Variants in MAP3K19 observed in about 807,000 individuals in gnomAD.
MAP3K19 encodes the protein SPS1/STE20-related protein kinase YSK4.
Under a neutral mutation model 114.4 loss-of-function variants are expected in MAP3K19, and 91 were observed. The observed-to-expected ratio is 0.80, with a 90% CI of 0.67 to 0.95. The LOEUF (loss-of-function observed/expected upper bound fraction) is 0.95, where lower values mean the gene tolerates loss of function less well. MAP3K19 is among the 40% of genes least tolerant of loss of function. The pLI is 0.00. For synonymous variants in MAP3K19, 518 were observed against 530.5 expected, an observed-to-expected ratio of 0.98 and a Z score of 0.32; for missense variants, 1,471 against 1,573.2, an observed-to-expected ratio of 0.94 and a Z score of 1.10.
At chr2:135,043,945 TC>T (rs1688692297) in intron 1 of MAP3K19, among the ~76,000 whole-genome samples, 1 of 152,228 alleles carries the variant, frequency 6.6e-6, no homozygotes, top group South Asian at 2.1e-4. Flanking sequence ...TACCTGTTAC[TC>T]CTTTTGATTT....
At chr2:135,036,223 A>C (rs532129907) in intron 2 of MAP3K19, among the ~76,000 whole-genome samples, 49 of 152,254 alleles carry the variant, frequency 3.2e-4, no homozygotes, top group Admixed American at 2.7e-3. Context: ...CATAAATACA[A>C]CCACATCATT....
intron 5 of MAP3K19, among the ~76,000 whole-genome samples, chr2:135,010,214 G>A (rs1687125604): frequency 6.6e-6 from 1 of 152,082 alleles, no homozygotes; most frequent in Non-Finnish European, 1.5e-5. Flanking sequence ...ATCCCTATAA[G>A]TACCTGACAA....
intron 1 of MAP3K19, among the ~76,000 whole-genome samples, chr2:135,045,024 A>T (rs1480596742): frequency 6.6e-6 from 1 of 152,130 alleles, no homozygotes; most frequent in Non-Finnish European, 1.5e-5. Context: ...AGTGATGGAC[A>T]TCTAAGTTGT....
rs369125701 is a variant in MAP3K19, at chr2:135,033,724, C to T, written c.-283-3224G>A. ...TAACCCCCCCCACCTCCCTCCCGGA[C>T]GGGGTGGCTGGCCGGGCAGAGGGGC... On this transcript the variant is annotated intron_variant, in intron 2 of 12. Coordinates refer to ENST00000392915, the MANE Select transcript of MAP3K19 (RefSeq NM_025052.5). Among the ~76,000 whole-genome samples the T allele has an allele frequency of 0.018, 1,780 of 99,654 alleles. 347 individuals are homozygous for T. In the East Asian group the frequency reaches 0.32, roughly 18 times the overall value. 65.4% of individuals were successfully genotyped at this position (99,654 alleles called of 152,430 possible).
rs77117161 is a variant in MAP3K19, at chr2:135,031,711, C to T, written c.-283-1211G>A. ...CTACCACAGTGGCCTCATGGAGAGA[C>T]GACAGCGACTGAACAAGAGAAATGG... On this transcript the variant is annotated intron_variant, in intron 2 of 12. Coordinates refer to ENST00000392915, the MANE Select transcript of MAP3K19 (RefSeq NM_025052.5). Among the ~76,000 whole-genome samples, 60 of 152,208 alleles carry T rather than the reference C, an allele frequency of 3.9e-4. 1 individual carries two copies. In the South Asian group the frequency reaches 5.0e-3, roughly 13 times the overall value.
At chr2:135,027,836 G>A (rs1688294351) in intron 3 of MAP3K19, among the ~76,000 whole-genome samples, 1 of 152,160 alleles carries the variant, frequency 6.6e-6, no homozygotes, top group Non-Finnish European at 1.5e-5. Flanking sequence ...GAACTGATGA[G>A]GTGAAAGAAC....
In MAP3K19 at chr2:135,024,700, T is replaced by G; in HGVS notation, c.-53A>C. ...TGAACTCTCTATTTGTGACACATAA[T>G]GTATTGCTGATTTTCCACTAAAATC... On this transcript the variant is annotated 5_prime_UTR_variant, in exon 4 of 13. Transcript: ENST00000392915. The G allele has an allele frequency of 6.6e-7, 1 of 1,512,932 alleles. No homozygotes were observed. Among genetic ancestry groups the G allele is most frequent in the Non-Finnish European group, 9.2e-7 (1 of 1,092,708 alleles). The allele number at this position is 1,512,932 out of a possible 1,614,324, so 93.7% of individuals were successfully genotyped here.
At position 135,033,588 on chromosome 2, in the gene MAP3K19, C is replaced by T. The variant is rs1256611176; in HGVS notation, c.-283-3088G>A. Among the ~76,000 whole-genome samples, 4 of 85,324 alleles carry T rather than the reference C, an allele frequency of 4.7e-5. 1 individual carries two copies. Among genetic ancestry groups the T allele is most frequent in the African/African-American group, 2.2e-4 (3 of 13,910 alleles). The allele number at this position is 85,324 out of a possible 152,430, so 56.0% of individuals were successfully genotyped here. ...GCGGGCGGGGGGCTGACCCCCCCAC[C>T]GCCCTCCCAGACGGGGCGGCTGGCC... On this transcript the variant is annotated intron_variant, in intron 2 of 12. Coordinates refer to ENST00000392915, the MANE Select transcript of MAP3K19 (RefSeq NM_025052.5).
intron 9 of MAP3K19, chr2:134,991,329 AAAC>A: frequency 1.7e-6 from 1 of 574,650 alleles, no homozygotes; most frequent in East Asian, 3.0e-5. Flanking sequence ...AAACAAAACA[AAAC>A]AAAACAACCG....
chr2:134,974,810 T>C (rs1005132678), intron 12 of MAP3K19, among the ~76,000 whole-genome samples: 2 of 152,212 alleles, frequency 1.3e-5, no homozygotes, highest in African/African-American at 4.8e-5. Flanking sequence ...GCACATGTGG[T>C]ATAACAGTCA....
chr2:134,996,051 C>G (rs1344298585), intron 8 of MAP3K19, among the ~76,000 whole-genome samples: 4 of 152,072 alleles, frequency 2.6e-5, no homozygotes, highest in African/African-American at 9.7e-5. Context: ...GCAATCCTCC[C>G]ACCTCAGCCT....
intron 1 of MAP3K19, among the ~76,000 whole-genome samples, chr2:135,041,565 G>A (rs1304929215): frequency 1.3e-5 from 2 of 152,046 alleles, no homozygotes; most frequent in Non-Finnish European, 2.9e-5. Context: ...CTGACCTCAG[G>A]TGATCTGCCC....
At chr2:135,021,473 T>TACACACACACAC in intron 5 of MAP3K19, among the ~76,000 whole-genome samples, 1 of 146,666 alleles carries the variant, frequency 6.8e-6, no homozygotes, top group African/African-American at 2.5e-5. Context: ...CACACACACA[T>TACACACACACAC]ACACACACAC....
At position 135,005,526 on chromosome 2, in the gene MAP3K19, G is replaced by A. The variant is rs749805940; in HGVS notation, c.144C>T (p.Phe48=). 1.2e-5 allele frequency: 20 copies of A among 1,612,464 alleles called. No individual in the cohort carries two copies. The African/African-American group carries it at 1.6e-4, about 13-fold the overall frequency. ...ILQSISRSEE[F]DQDGDCSHST... The stretch of plus-strand genomic sequence containing the variant: ...AATGACTGCAGTCACCATCTTGGTC[G>A]AACTCCTGCAATATCATAAAATTCA... The change falls in exon 6 of 13, where the codon TTC becomes TTT. Residue 48 remains phenylalanine (F), a synonymous_variant. Coordinates refer to ENST00000392915, the MANE Select transcript of MAP3K19 (RefSeq NM_025052.5).
Position 134,987,433 on chromosome 2 carries a change from C to T in MAP3K19, c.1439G>A (p.Arg480Lys). Residue 480 changes from arginine to lysine, a missense_variant, in exon 10 of 13, where the codon AGG becomes AAG. Coordinates refer to ENST00000392915, the MANE Select transcript of MAP3K19 (RefSeq NM_025052.5). ...IAERAKPEMS[R>K]MVPLIHITFP... ...GGTGATGTGGATAAGAGGCACCATC[C>T]TACTCATTTCTGGTTTGGCTCTTTC... 2 of 1,614,122 alleles carry T rather than the reference C, an allele frequency of 1.2e-6. No homozygotes were observed. Among genetic ancestry groups the T allele is most frequent in the Non-Finnish European group, 1.7e-6 (2 of 1,180,040 alleles).
chr2:134,984,110 C>T (rs914970229), intron 10 of MAP3K19, among the ~76,000 whole-genome samples: 1 of 152,194 alleles, frequency 6.6e-6, no homozygotes, highest in Non-Finnish European at 1.5e-5. Flanking sequence ...CCTGCAGCTA[C>T]TAACCACTGT....
At chr2:134,982,592 C>T (rs1684784980) in intron 11 of MAP3K19, among the ~76,000 whole-genome samples, 1 of 152,040 alleles carries the variant, frequency 6.6e-6, no homozygotes, top group African/African-American at 2.4e-5. Flanking sequence ...TCAAGTGATC[C>T]ACCCGCCTCG....
chr2:134,991,602 CTG>C (rs1685586011), intron 8 of MAP3K19, 22 bp from the exon 9 acceptor site: 4 of 1,594,946 alleles, frequency 2.5e-6, no homozygotes, highest in Non-Finnish European at 8.6e-7. Flanking sequence ...AAAACAATAA[CTG>C]GATATTCTTA....
At chr2:135,019,560 G>A (rs1392674212) in intron 5 of MAP3K19, among the ~76,000 whole-genome samples, 1 of 152,202 alleles carries the variant, frequency 6.6e-6, no homozygotes, top group Non-Finnish European at 1.5e-5. Flanking sequence ...GCTGAGGTAG[G>A]AGGATTGCTT....
Sources: gnomAD v4.1 joint callset for allele counts (sites outside exome capture counted in the v4.1 genomes callset) on GRCh38, gnomAD v4.1.1 for gene constraint, MANE v1.5 for transcripts, NCBI Gene and HGNC (gene_info 2026-07-23, HGNC 2026-07-21) for gene names.